Variants in GPR39 observed in about 807,000 individuals in gnomAD.
The protein encoded by GPR39 is G protein-coupled receptor 39.
A neutral mutation model predicts 18.4 loss-of-function variants in GPR39; 23 were observed. The ratio of observed to expected loss-of-function variants is 1.25; its 90% CI spans 0.90 to 1.77. The LOEUF is 1.77. GPR39 is among the 40% of genes most tolerant of loss of function. The probability of loss-of-function intolerance (pLI) is 0.00; values close to 1 mark genes in which losing one functional copy is unlikely to be tolerated. For synonymous variants in GPR39, 280 were observed against 257.9 expected (o/e 1.09, Z -0.82); for missense variants, 647 against 602.4 (o/e 1.07, Z -0.78).
intron 1 of GPR39, among the ~76,000 whole-genome samples, chr2:132,574,858 A>G (rs1184777667): frequency 6.6e-6 from 1 of 152,212 alleles, no homozygotes; most frequent in Non-Finnish European, 1.5e-5. Flanking sequence ...TATTTTTTGA[A>G]TAGTAATACA....
At chr2:132,431,208 A>G (rs559247012) in intron 1 of GPR39, among the ~76,000 whole-genome samples, 1 of 152,312 alleles carries the variant, frequency 6.6e-6, no homozygotes, top group Non-Finnish European at 1.5e-5. Flanking sequence ...GGCCTGGAAA[A>G]CAAAGATCTC....
intron 1 of GPR39, among the ~76,000 whole-genome samples, chr2:132,464,469 A>C (rs1680890046): frequency 6.6e-6 from 1 of 152,146 alleles, no homozygotes; most frequent in African/African-American, 2.4e-5. Context: ...CTGATCACTC[A>C]TTTCTAGCTA....
rs1679852435 is a variant in GPR39 at position 132,541,039 on chromosome 2, T to C, written c.857-104062T>C. ...ATCTTGCCCAGGTTCCCTTTCCCTC[T>C]GGGAACTGAGGCCAGGTAAGGAGAC... On this transcript the variant is annotated intron_variant, in intron 1 of 1. Coordinates refer to ENST00000329321, the MANE Select transcript of GPR39 (RefSeq NM_001508.3). 2.0e-5 allele frequency among the ~76,000 whole-genome samples: 3 copies of C among 152,070 alleles called. 1 individual carries two copies. In the South Asian group the frequency reaches 6.2e-4, roughly 32 times the overall value.
intron 1 of GPR39, among the ~76,000 whole-genome samples, chr2:132,575,171 A>G (rs1465510704): frequency 2.6e-5 from 4 of 152,102 alleles, no homozygotes; most frequent in African/African-American, 7.2e-5. Flanking sequence ...ATGGTATTCT[A>G]TTGTATGGTT....
chr2:132,476,386 A>T (rs1037309973), intron 1 of GPR39, among the ~76,000 whole-genome samples: 1 of 152,128 alleles, frequency 6.6e-6, no homozygotes, highest in Non-Finnish European at 1.5e-5. Context: ...CTGTAATCCC[A>T]GCACTTTGGG....
At chr2:132,574,205 G>A (rs1484119454) in intron 1 of GPR39, among the ~76,000 whole-genome samples, 1 of 152,104 alleles carries the variant, frequency 6.6e-6, no homozygotes, top group Non-Finnish European at 1.5e-5. Flanking sequence ...ACATTTCTGA[G>A]GCAGTGTTGA....
At chr2:132,587,245 A>C (rs1478776123) in intron 1 of GPR39, among the ~76,000 whole-genome samples, 1 of 152,224 alleles carries the variant, frequency 6.6e-6, no homozygotes, top group Non-Finnish European at 1.5e-5. Context: ...CAGTTTAAAA[A>C]AAGTATCTCC....
At chr2:132,602,871 G>GAA (rs56271366) in intron 1 of GPR39, among the ~76,000 whole-genome samples, 38,193 of 137,782 alleles carry the variant, frequency 0.28, 5,929 homozygotes, top group East Asian at 0.53. Context: ...CTTAAAAAGA[G>GAA]AAAAAAAAAA....
chr2:132,645,503 A>G lies in GPR39; in HGVS notation c.1259A>G (p.Gln420Arg). ...ACTTTTCAGAGCGAGGCCGAGCCCCAGTCTAAGTCCCAGTCATTGAGTCTC... is the reference window on the plus strand; with the variant it reads ...ACTTTTCAGAGCGAGGCCGAGCCCCGGTCTAAGTCCCAGTCATTGAGTCTC... ...LSTFQSEAEP[Q>R]SKSQSLSLES... The change falls in exon 2 of 2, where the codon CAG (glutamine) becomes CGG (arginine). Residue 420 changes from glutamine to arginine, a missense_variant. Transcript: ENST00000329321. The G allele has an allele frequency of 6.2e-7, 1 of 1,613,562 alleles. No individual in the cohort carries two copies. The highest frequency in any genetic ancestry group is 2.2e-5 in the East Asian group (1 of 44,854).
intron 1 of GPR39, among the ~76,000 whole-genome samples, chr2:132,549,719 C>T (rs865966602): frequency 5.3e-5 from 8 of 152,080 alleles, no homozygotes; most frequent in Middle Eastern, 3.4e-3. Flanking sequence ...ACCCAGGAGG[C>T]GGAGGTTGCA....
At chr2:132,436,180 G>A (rs1680316134) in intron 1 of GPR39, among the ~76,000 whole-genome samples, 1 of 152,170 alleles carries the variant, frequency 6.6e-6, no homozygotes, top group South Asian at 2.1e-4. Flanking sequence ...GGCCCTGGCA[G>A]CCCATTCTAG....
intron 1 of GPR39, among the ~76,000 whole-genome samples, chr2:132,564,366 T>A (rs1424032704): frequency 1.3e-5 from 2 of 152,194 alleles, no homozygotes; most frequent in African/African-American, 4.8e-5. Context: ...ACATTACAGA[T>A]AATAAACAGA....
At chr2:132,591,319 G>T (rs1680839830) in intron 1 of GPR39, among the ~76,000 whole-genome samples, 1 of 149,536 alleles carries the variant, frequency 6.7e-6, no homozygotes, top group Non-Finnish European at 1.5e-5. Flanking sequence ...GACCAGCGGA[G>T]TCTTCTGGCC....
At chr2:132,468,610 C>T (rs1345482780) in intron 1 of GPR39, among the ~76,000 whole-genome samples, 2 of 152,196 alleles carry the variant, frequency 1.3e-5, no homozygotes, top group East Asian at 3.9e-4. Flanking sequence ...GGGCCCTATA[C>T]TTTGGGTCAA....
At chr2:132,540,330 A>AG (rs1491109573) in intron 1 of GPR39, among the ~76,000 whole-genome samples, 1 of 152,148 alleles carries the variant, frequency 6.6e-6, no homozygotes, top group Non-Finnish European at 1.5e-5. Context: ...CTGCAGCATC[A>AG]GGGGAGGGGA....
chr2:132,600,786 T>G (rs1217134388), intron 1 of GPR39, among the ~76,000 whole-genome samples: 2 of 151,950 alleles, frequency 1.3e-5, no homozygotes, highest in African/African-American at 4.8e-5. Flanking sequence ...CTTATTTTGT[T>G]GTTGTTTAAA....
chr2:132,479,187 T>C (rs554419956), intron 1 of GPR39, among the ~76,000 whole-genome samples: 26 of 152,338 alleles, frequency 1.7e-4, no homozygotes, highest in Non-Finnish European at 4.4e-5. Flanking sequence ...TTCCAGGCAC[T>C]GCGGAGGATA....
chr2:132,641,931 G>A (rs1276283154), intron 1 of GPR39, among the ~76,000 whole-genome samples: 1 of 152,188 alleles, frequency 6.6e-6, no homozygotes, highest in Non-Finnish European at 1.5e-5. Flanking sequence ...GGATTTTGGA[G>A]TCTGGCAAAG....
At chr2:132,430,701 G>A (rs933333210) in intron 1 of GPR39, among the ~76,000 whole-genome samples, 4 of 152,182 alleles carry the variant, frequency 2.6e-5, no homozygotes, top group African/African-American at 4.8e-5. Flanking sequence ...GCTGAGATGA[G>A]GGCAGGTGAT....
Sources: allele counts gnomAD v4.1 joint callset (sites outside exome capture counted in the v4.1 genomes callset), GRCh38; gene constraint gnomAD v4.1.1; transcripts MANE v1.5; gene names NCBI Gene and HGNC (gene_info 2026-07-23, HGNC 2026-07-21).